Variants in PTBP3 observed in about 807,000 individuals in gnomAD.
The protein encoded by PTBP3 is polypyrimidine tract-binding protein 3.
PTBP3 carries 20 observed loss-of-function variants against 58.7 expected under a neutral mutation model. That is an observed-to-expected ratio of 0.34 (90% CI 0.24 to 0.50). PTBP3 has a LOEUF of 0.50. Ranked by LOEUF, PTBP3 falls within the 20% of genes least tolerant of loss-of-function variation. PTBP3 has a pLI of 0.98. For synonymous variants in PTBP3, 185 were observed against 219.8 expected (o/e 0.84, Z 1.40); for missense variants, 509 against 637.2 (o/e 0.80, Z 2.17).
chr9:112,256,375 T>G (rs942079218), intron 5 of PTBP3, among the ~76,000 whole-genome samples: 3 of 150,858 alleles, frequency 2.0e-5, no homozygotes, highest in Non-Finnish European at 4.4e-5. Flanking sequence ...TCTCCTTTCA[T>G]TAGACTGAAG....
chr9:112,331,316 G>A (rs1029324835), intron 1 of PTBP3, among the ~76,000 whole-genome samples: 1 of 152,162 alleles, frequency 6.6e-6, no homozygotes, highest in Non-Finnish European at 1.5e-5. Context: ...ACCAGGGTGT[G>A]AAAATCCCCT....
chr9:112,258,115 T>C (rs927062608), intron 5 of PTBP3, among the ~76,000 whole-genome samples: 3 of 152,226 alleles, frequency 2.0e-5, no homozygotes. Context: ...GCCTAGCTTT[T>C]GTAAGTTATT....
Position 112,295,601 on chromosome 9 carries a change from TAAAAAAAAA to T in PTBP3, c.34+2222_34+2230del, listed in dbSNP as rs35276003. Among the ~76,000 whole-genome samples the T allele has an allele frequency of 1.3e-4, 12 of 92,526 alleles. No homozygotes were observed. In the South Asian group the frequency reaches 1.5e-3, roughly 11 times the overall value. 60.7% of individuals were successfully genotyped at this position (92,526 alleles called of 152,430 possible). A position where few individuals can be genotyped will look rare whatever the true frequency, so the allele number is the denominator to read the frequency against. ...CAGATAAAAATTGAGGTTCTGTTGG[TAAAAAAAAA>T]AAAAAAAAAAAAAGAATAGCATTGG... On this transcript the variant is annotated intron_variant, in intron 2 of 13. Coordinates refer to ENST00000374257, the MANE Select transcript of PTBP3 (RefSeq NM_001163788.4).
chr9:112,336,456 C>G (rs1004114257), upstream of PTBP3, among the ~76,000 whole-genome samples: 4 of 151,342 alleles, frequency 2.6e-5, no homozygotes, highest in Non-Finnish European at 4.4e-5. Context: ...TCCAAAAAGG[C>G]TGTACCAATT....
intron 5 of PTBP3, among the ~76,000 whole-genome samples, chr9:112,256,254 C>CAAA (rs371551973): frequency 3.9e-5 from 4 of 101,700 alleles, no homozygotes; most frequent in African/African-American, 6.8e-5. Flanking sequence ...AACTCCGTCT[C>CAAA]AAAAAAAAAA....
intron 2 of PTBP3, among the ~76,000 whole-genome samples, chr9:112,283,431 A>C (rs930425929): frequency 1.3e-5 from 2 of 152,098 alleles, no homozygotes; most frequent in Non-Finnish European, 2.9e-5. Flanking sequence ...AACCAAGGAC[A>C]CTCTTGCAAT....
the PTBP3 span, among the ~76,000 whole-genome samples, chr9:112,368,367 C>T: frequency 5.9e-5 from 9 of 152,222 alleles, no homozygotes; most frequent in South Asian, 4.1e-4. Flanking sequence ...GACAGGGTTT[C>T]GCCATGTTGG....
rs142976498 is a variant in PTBP3 at position 112,292,147 on chromosome 9, A to C, written c.34+5685T>G. ...TTGAATAGACATTTCTCTGAAGAAG[A>C]TATACGAATAGCCAACAAGCACAAG... is the stretch of plus-strand genomic sequence containing the variant. On this transcript the variant is annotated intron_variant, in intron 2 of 13. Transcript: ENST00000374257. Among the ~76,000 whole-genome samples the C allele has an allele frequency of 7.4e-3, 1,126 of 152,332 alleles. 9 individuals carry two copies. Among genetic ancestry groups the C allele is most frequent in the Middle Eastern group, 0.017 (5 of 294 alleles).
intron 1 of PTBP3, among the ~76,000 whole-genome samples, chr9:112,331,157 G>A (rs185595383): frequency 1.3e-5 from 2 of 151,074 alleles, no homozygotes; most frequent in East Asian, 3.9e-4. Context: ...GGAGGAACTA[G>A]AAAGATATGT....
At chr9:112,349,351 C>G in the PTBP3 span, among the ~76,000 whole-genome samples, 104 of 152,142 alleles carry the variant, frequency 6.8e-4, 1 homozygote, top group East Asian at 0.016. Flanking sequence ...GAGTTGTGTT[C>G]GTATAATAAA....
Position 112,266,675 on chromosome 9 carries a change from T to A in PTBP3, c.351+1374A>T, listed in dbSNP as rs1226680326. ...AAAGCTGATGAGGTAATGCTATATT[T>A]GTTGTAATAAACCCATGTCCATAAC... On this transcript the variant is annotated intron_variant, in intron 4 of 13. Coordinates refer to ENST00000374257, the MANE Select transcript of PTBP3 (RefSeq NM_001163788.4). Among the ~76,000 whole-genome samples the A allele has an allele frequency of 5.3e-5, 8 of 152,210 alleles. No homozygotes were observed. In the East Asian group the frequency reaches 1.5e-3, roughly 29 times the overall value.
rs1307579131 is a variant in PTBP3 at position 112,227,579 on chromosome 9, G to A, written c.1196C>T (p.Ala399Val). 6.2e-7 allele frequency: 1 copy of A among 1,613,946 alleles called. No homozygotes were observed. Among genetic ancestry groups the A allele is most frequent in the South Asian group, 1.1e-5 (1 of 91,080 alleles). Residue 399 changes from alanine to valine, a missense_variant, in exon 12 of 14, where the codon GCT becomes GTT. This residue lies in a region of PTBP3 where 135 missense variants were observed against 229.0 expected (regional missense o/e 0.59). Transcript: ENST00000374257. Reference protein sequence around the residue: ...GQRLYGKVLRATLSKHQAVQL... With the variant: ...GQRLYGKVLRVTLSKHQAVQL... The stretch of plus-strand genomic sequence containing the variant: ...TACTGCTTGATGTTTGGACAGTGTA[G>A]CACGAAGCACTTTCCCATAAAGTCT...
chr9:112,252,598 A>G (rs1836175550), intron 6 of PTBP3, 80 bp downstream of exon 6: 1 of 1,084,674 alleles, frequency 9.2e-7, no homozygotes, highest in African/African-American at 1.6e-5. Context: ...TTTTTTAAAA[A>G]CACATGGTAA....
At chr9:112,262,367 A>G in intron 5 of PTBP3, 68 bp downstream of exon 5, 1 of 1,323,724 alleles carries the variant, frequency 7.6e-7, no homozygotes, top group Non-Finnish European at 1.0e-6. Context: ...CAACTTAGAT[A>G]TAAAACATCA....
chr9:112,339,995 C>T, the PTBP3 span, among the ~76,000 whole-genome samples: 3 of 152,024 alleles, frequency 2.0e-5, no homozygotes, highest in African/African-American at 2.4e-5. Context: ...GACAGGGTAT[C>T]GCTCTGTCAC....
intron 5 of PTBP3, among the ~76,000 whole-genome samples, chr9:112,256,282 T>TATATATATAG (rs1836351611): frequency 1.9e-5 from 1 of 52,604 alleles, no homozygotes; most frequent in African/African-American, 1.6e-4. Context: ...AATATATATA[T>TATATATATAG]ATATATATAT....
At chr9:112,224,462 C>A (rs976874162) in intron 12 of PTBP3, among the ~76,000 whole-genome samples, 1 of 152,154 alleles carries the variant, frequency 6.6e-6, no homozygotes, top group Admixed American at 6.5e-5. Context: ...TTTCTATATT[C>A]TTTTTTCTTT....
intron 2 of PTBP3, among the ~76,000 whole-genome samples, chr9:112,292,762 A>G (rs1014807463): frequency 2.0e-5 from 3 of 152,246 alleles, no homozygotes; most frequent in African/African-American, 7.2e-5. Context: ...GGGCTAGAAG[A>G]GAAAAGGAAG....
In PTBP3 at chr9:112,228,015, T is replaced by C. The variant is rs567615574; in HGVS notation, c.1147+365A>G. 2.6e-5 allele frequency among the ~76,000 whole-genome samples: 4 copies of C among 152,306 alleles called. No homozygotes were observed. The South Asian group carries it at 8.3e-4, about 32-fold the overall frequency. On this transcript the variant is annotated intron_variant, in intron 11 of 13. Transcript: ENST00000374257. Reference sequence around the variant, plus strand: ...AAGCCATGAACCCTTTCTTGTATCATCATTACAAAGTTTGCCCAAACTTTT... The same window carrying C: ...AAGCCATGAACCCTTTCTTGTATCACCATTACAAAGTTTGCCCAAACTTTT...
Sources: allele counts gnomAD v4.1 joint callset (sites outside exome capture counted in the v4.1 genomes callset), GRCh38; gene constraint gnomAD v4.1.1; regional missense constraint gnomAD v4.1.1; transcripts MANE v1.5; gene names NCBI Gene and HGNC (gene_info 2026-07-23, HGNC 2026-07-21).